Variants in ANKRD16 observed in about 807,000 individuals in gnomAD.
ANKRD16 encodes ankyrin repeat domain 16.
In ANKRD16, 35 loss-of-function variants were observed where a neutral mutation model predicts 37.9. The ratio of observed to expected loss-of-function variants is 0.92; its 90% CI spans 0.71 to 1.23. The LOEUF (loss-of-function observed/expected upper bound fraction) is 1.23, where lower values mean the gene tolerates loss of function less well. Among genes scored for constraint, ANKRD16 ranks in the 50% most tolerant of loss-of-function variants. ANKRD16 has a pLI of 0.00. For missense variants in ANKRD16, 480 were observed against 469.9 expected (o/e 1.02, Z -0.20); for synonymous variants, 206 against 197.2 (o/e 1.04, Z -0.37).
At chr10:5,884,257 T>C (rs1261182743) in intron 3 of ANKRD16, among the ~76,000 whole-genome samples, 180 bp from the exon 4 acceptor site, 1 of 152,248 alleles carries the variant, frequency 6.6e-6, no homozygotes, top group African/African-American at 2.4e-5. Flanking sequence ...AGGAGCGTGA[T>C]GGTCTTCCCT....
At chr10:5,882,942 T>A in intron 5 of ANKRD16, 64 bp downstream of exon 5, 4 of 1,556,500 alleles carry the variant, frequency 2.6e-6, no homozygotes, top group Non-Finnish European at 3.5e-6. Flanking sequence ...GCTGCAGAGC[T>A]ACTGATCAAA....
chr10:5,887,682 C>T (rs1842452185), intron 2 of ANKRD16, among the ~76,000 whole-genome samples, 165 bp downstream of exon 2: 1 of 145,766 alleles, frequency 6.9e-6, no homozygotes, highest in Non-Finnish European at 1.5e-5. Flanking sequence ...ACTGCACCCG[C>T]GCCCCCGCCC....
rs2131762716 is a variant in ANKRD16 at position 5,874,297 on chromosome 10, C to G, written c.*33+3800G>C. Among the ~76,000 whole-genome samples, 1 of 152,338 alleles carries G rather than the reference C, an allele frequency of 6.6e-6. No individual in the cohort carries two copies. The highest frequency in any genetic ancestry group is 1.9e-4 in the East Asian group (1 of 5,190). On this transcript the variant is annotated intron_variant, in intron 7 of 7. Coordinates refer to ENST00000380094, the MANE Select transcript of ANKRD16 (RefSeq NM_019046.3). This position sits in a 1 kb window ranked among gnomAD's most constrained non-coding sequence, Gnocchi z 4.7. ...GGAAGTGGGTGTTAGTTAAGGCAATCAGAAATCCTGGCAAGTGTAGTACGT... is the reference window on the plus strand; with the variant it reads ...GGAAGTGGGTGTTAGTTAAGGCAATGAGAAATCCTGGCAAGTGTAGTACGT...
Position 5,878,290 on chromosome 10 carries a change from G to A in ANKRD16, c.929-3C>T, listed in dbSNP as rs774689272. The A allele has an allele frequency of 1.9e-6, 3 of 1,611,284 alleles. No individual in the cohort carries two copies. Among genetic ancestry groups the A allele is most frequent in the Non-Finnish European group, 2.5e-6 (3 of 1,178,876 alleles). On this transcript the variant is annotated splice_polypyrimidine_tract_variant and splice_region_variant and intron_variant, in intron 6 of 7. Transcript: ENST00000380094. This position sits in a 1 kb window ranked among gnomAD's most constrained non-coding sequence, Gnocchi z 5.1. ...ACCTGCACAGGCCAGATGCAGGGCT[G>A]AGGGGTGACAAAAATCACATGGACT...
Position 5,869,615 on chromosome 10 carries a change from T to G in ANKRD16, c.*34-6924A>C, listed in dbSNP as rs1022365481. On this transcript the variant is annotated intron_variant, in intron 7 of 7. Transcript: ENST00000380094. This position sits in a 1 kb window ranked among gnomAD's most constrained non-coding sequence, Gnocchi z 4.0. ...GTTTCCCAGCACCAAGGGCCCCAGC[T>G]CCTGCTCAGCACCCTTCTGCTCAGC... 2.6e-5 allele frequency among the ~76,000 whole-genome samples: 4 copies of G among 152,044 alleles called. No individual in the cohort carries two copies. The highest frequency in any genetic ancestry group is 5.9e-5 in the Non-Finnish European group (4 of 67,994).
rs552596453 is a variant in ANKRD16, at chr10:5,887,831, G to GAGCT, written c.535+12_535+15dup. 8.6e-3 allele frequency: 13,866 copies of GAGCT among 1,609,626 alleles called. 86 individuals carry two copies. Among genetic ancestry groups the GAGCT allele is most frequent in the Non-Finnish European group, 0.011 (12,451 of 1,178,248 alleles). On this transcript the variant is annotated intron_variant, in intron 2 of 7. Coordinates refer to ENST00000380094, the MANE Select transcript of ANKRD16 (RefSeq NM_019046.3). The stretch of plus-strand genomic sequence containing the variant: ...CACATGTGTGTACTGCTCACCTGCA[G>GAGCT]AGCTGTAGGCTGTACCTGCAGTATG...
In ANKRD16 at chr10:5,889,229, G is replaced by C; in HGVS notation, c.126C>G (p.His42Gln). The C allele has an allele frequency of 6.4e-7, 1 of 1,566,644 alleles. No individual in the cohort carries two copies. The highest frequency in any genetic ancestry group is 8.6e-7 in the Non-Finnish European group (1 of 1,165,346). ...CPGPAGDTLLHCAARHGHRDV... is the reference protein window; with the variant it reads ...CPGPAGDTLLQCAARHGHRDV... ...CCCGATGCCCGTGGCGCGCGGCGCAGTGCAGGAGGGTATCCCCGGCCGGCC... is the reference window on the plus strand; with the variant it reads ...CCCGATGCCCGTGGCGCGCGGCGCACTGCAGGAGGGTATCCCCGGCCGGCC... Residue 42 changes from histidine to glutamine, a missense_variant, in exon 1 of 8, where the codon CAC becomes CAG. Coordinates refer to ENST00000380094, the MANE Select transcript of ANKRD16 (RefSeq NM_019046.3).
chr10:5,866,249 C>T lies in ANKRD16; in HGVS notation c.*34-3558G>A, dbSNP rs1345676752. Among the ~76,000 whole-genome samples, 2 of 152,174 alleles carry T rather than the reference C, an allele frequency of 1.3e-5. No homozygotes were observed. Among genetic ancestry groups the T allele is most frequent in the African/African-American group, 2.4e-5 (1 of 41,436 alleles). On this transcript the variant is annotated intron_variant, in intron 7 of 7. Coordinates refer to ENST00000380094, the MANE Select transcript of ANKRD16 (RefSeq NM_019046.3). This position sits in a 1 kb window ranked among gnomAD's most constrained non-coding sequence, Gnocchi z 4.3. ...TTCTCCCAGAGGATGGGGAACCGATCGAGCATGACTGCCAACAAGTTATAG... is the reference window on the plus strand; with the variant it reads ...TTCTCCCAGAGGATGGGGAACCGATTGAGCATGACTGCCAACAAGTTATAG...
At chr10:5,882,910 G>T (rs1842341205) in intron 5 of ANKRD16, 96 bp downstream of exon 5, 7 of 1,357,532 alleles carry the variant, frequency 5.2e-6, no homozygotes, top group Non-Finnish European at 7.0e-6. Context: ...TTCTTCCATA[G>T]AGATGGGGTC....
In ANKRD16 at chr10:5,885,428, C is replaced by T. The variant is rs1035086670; in HGVS notation, c.578+295G>A. 5.9e-5 allele frequency among the ~76,000 whole-genome samples: 9 copies of T among 151,958 alleles called. No individual in the cohort carries two copies. The East Asian group carries it at 9.6e-4, about 16-fold the overall frequency. On this transcript the variant is annotated intron_variant, in intron 3 of 7. Transcript: ENST00000380094. The stretch of plus-strand genomic sequence containing the variant: ...CGATCTTCTGACCTTGTGATCCGCC[C>T]GCCTCGGCCTCGCAAAGTGCTGGGA...
chr10:5,879,549 A>G (rs1320942701), intron 6 of ANKRD16, among the ~76,000 whole-genome samples: 1 of 152,124 alleles, frequency 6.6e-6, no homozygotes, highest in East Asian at 1.9e-4. Flanking sequence ...TTTAAAGTCC[A>G]AGTCTAAAGA....
In ANKRD16 at chr10:5,880,419, GA is replaced by G. The variant is rs539021095; in HGVS notation, c.850-44del. ...TGTTATCACTGTGATGAGGATAAAA[GA>G]AAACCTTTTGCAAACCAAAAAGTAT... On this transcript the variant is annotated intron_variant, in intron 5 of 7. Transcript: ENST00000380094. 5.9e-5 allele frequency: 82 copies of G among 1,390,054 alleles called. No individual in the cohort carries two copies. The African/African-American group carries it at 1.1e-3, about 18-fold the overall frequency. The allele number at this position is 1,390,054 out of a possible 1,614,324, so 86.1% of individuals were successfully genotyped here.
chr10:5,877,873 T>C (rs1842209715), intron 7 of ANKRD16, among the ~76,000 whole-genome samples: 1 of 152,114 alleles, frequency 6.6e-6, no homozygotes, highest in Non-Finnish European at 1.5e-5. Context: ...ACTTTAAGAG[T>C]ACAAAGAGTG....
At chr10:5,877,979 C>G (rs994659865) in intron 7 of ANKRD16, 118 bp downstream of exon 7, 12 of 1,159,458 alleles carry the variant, frequency 1.0e-5, no homozygotes, top group Non-Finnish European at 9.7e-6. Context: ...CTGGGAACTC[C>G]TCAGCAGGAG....
At position 5,864,986 on chromosome 10, in the gene ANKRD16, C is replaced by T. The variant is rs972167082; in HGVS notation, c.*34-2295G>A. ...CAGCCACAGATATCAGGAGAGAGCTCCAAAAGCGAGCCCTGGGCCCTGAAC... is the reference window on the plus strand; with the variant it reads ...CAGCCACAGATATCAGGAGAGAGCTTCAAAAGCGAGCCCTGGGCCCTGAAC... On this transcript the variant is annotated intron_variant, in intron 7 of 7. Coordinates refer to ENST00000380094, the MANE Select transcript of ANKRD16 (RefSeq NM_019046.3). This position sits in a 1 kb window ranked among gnomAD's most constrained non-coding sequence, Gnocchi z 4.4. 6.6e-6 allele frequency among the ~76,000 whole-genome samples: 1 copy of T among 152,126 alleles called. No individual in the cohort carries two copies. Among genetic ancestry groups the T allele is most frequent in the African/African-American group, 2.4e-5 (1 of 41,412 alleles).
At chr10:5,880,460 A>C (rs1258213486) in intron 5 of ANKRD16, 84 bp from the exon 6 acceptor site, 3 of 756,316 alleles carry the variant, frequency 4.0e-6, no homozygotes, top group Non-Finnish European at 6.2e-6. Flanking sequence ...GACAGGTCTC[A>C]ATCAATTTAG....
At chr10:5,876,727 G>A (rs189712190) in intron 7 of ANKRD16, among the ~76,000 whole-genome samples, 1 of 152,220 alleles carries the variant, frequency 6.6e-6, no homozygotes, top group Admixed American at 6.5e-5. Flanking sequence ...AACGCTGAGA[G>A]TAAGGTGGGT....
chr10:5,880,933 G>A (rs1842290016), intron 5 of ANKRD16, among the ~76,000 whole-genome samples: 1 of 150,786 alleles, frequency 6.6e-6, no homozygotes, highest in Non-Finnish European at 1.5e-5. Flanking sequence ...ACTGCTAAAA[G>A]TGAATTTTCA....
chr10:5,863,407 A>T lies in ANKRD16; in HGVS notation c.*34-716T>A, dbSNP rs1300102976. Among the ~76,000 whole-genome samples, 1 of 152,058 alleles carries T rather than the reference A, an allele frequency of 6.6e-6. No homozygotes were observed. Among genetic ancestry groups the T allele is most frequent in the Admixed American group, 6.6e-5 (1 of 15,258 alleles). On this transcript the variant is annotated intron_variant, in intron 7 of 7. Transcript: ENST00000380094. The surrounding 1 kb of genome is among the most constrained non-coding windows in gnomAD (Gnocchi z 4.7). ...ACTTGGAGAACTTTTCTGTGTAGCT[A>T]AAGGATTGTAAATGCACCAATCAGC...
Sources: allele counts gnomAD v4.1 joint callset (sites outside exome capture counted in the v4.1 genomes callset), GRCh38; gene constraint gnomAD v4.1.1; non-coding constraint Gnocchi (gnomAD v3.1); transcripts MANE v1.5; gene names NCBI Gene and HGNC (gene_info 2026-07-23, HGNC 2026-07-21).